NREP: variants seen among roughly 807,000 people sequenced by gnomAD.
NREP encodes neuronal regeneration-related protein.
Under a neutral mutation model 8.6 loss-of-function variants are expected in NREP, and 5 were observed. That is an observed-to-expected ratio of 0.58 (90% CI 0.30 to 1.22). The LOEUF is 1.22. Ranked by LOEUF, NREP falls within the 50% of genes most tolerant of loss-of-function variation. The pLI is 0.07. For synonymous variants in NREP, 27 were observed against 28.0 expected (o/e 0.96, Z 0.11); for missense variants, 86 against 82.5 (o/e 1.04, Z -0.17).
chr5:111,948,018 T>C (rs765698972), intron 2 of NREP, among the ~76,000 whole-genome samples: 1 of 152,054 alleles, frequency 6.6e-6, no homozygotes, highest in Non-Finnish European at 1.5e-5. Flanking sequence ...CACCTCAGTT[T>C]CCAAGAACCA....
At chr5:111,943,132 T>C (rs1206475228) in intron 2 of NREP, among the ~76,000 whole-genome samples, 1 of 152,032 alleles carries the variant, frequency 6.6e-6, no homozygotes, top group East Asian at 1.9e-4. Flanking sequence ...CTGGCTCCTC[T>C]TTTGCATCTC....
chr5:111,898,072 C>A (rs1302413215), intron 2 of NREP, among the ~76,000 whole-genome samples: 1 of 152,090 alleles, frequency 6.6e-6, no homozygotes, highest in Non-Finnish European at 1.5e-5. Flanking sequence ...GTACCTGGAT[C>A]ATTTAGAGCG....
At chr5:111,938,681 G>T (rs1755750104) in intron 2 of NREP, among the ~76,000 whole-genome samples, 1 of 151,930 alleles carries the variant, frequency 6.6e-6, no homozygotes, top group African/African-American at 2.4e-5. Context: ...AACCTCAAAG[G>T]CCTATTGTAA....
intron 2 of NREP, among the ~76,000 whole-genome samples, chr5:111,903,075 C>CTT (rs1754686225): frequency 7.1e-6 from 1 of 141,378 alleles, no homozygotes; most frequent in African/African-American, 2.7e-5. Flanking sequence ...ATTGTCTTGT[C>CTT]TTTTCTCTTT....
intron 2 of NREP, among the ~76,000 whole-genome samples, chr5:111,843,621 T>C (rs773747709): frequency 2.6e-5 from 4 of 152,158 alleles, no homozygotes; most frequent in Non-Finnish European, 5.9e-5. Context: ...AGCCTTATTA[T>C]TAGTGATCAT....
At chr5:111,884,867 C>T (rs1462839158) in intron 2 of NREP, among the ~76,000 whole-genome samples, 2 of 152,220 alleles carry the variant, frequency 1.3e-5, no homozygotes, top group South Asian at 2.1e-4. Flanking sequence ...CAGCCAATAT[C>T]ATACTGAATG....
chr5:111,828,491 C>G (rs1437562453), intron 2 of NREP, among the ~76,000 whole-genome samples: 5 of 151,974 alleles, frequency 3.3e-5, no homozygotes, highest in Non-Finnish European at 7.4e-5. Context: ...GGAAAAACCA[C>G]AAACAAATAT....
At chr5:111,879,829 G>C (rs1235168239) in intron 2 of NREP, among the ~76,000 whole-genome samples, 1 of 152,054 alleles carries the variant, frequency 6.6e-6, no homozygotes, top group Non-Finnish European at 1.5e-5. Flanking sequence ...GAGAAAGAAA[G>C]AGAGAGAGAG....
At chr5:111,875,893 A>G (rs1348563196) in intron 2 of NREP, among the ~76,000 whole-genome samples, 1 of 152,166 alleles carries the variant, frequency 6.6e-6, no homozygotes, top group Non-Finnish European at 1.5e-5. Context: ...TCTCCTACAG[A>G]GAGGGGTCCT....
intron 2 of NREP, among the ~76,000 whole-genome samples, chr5:111,838,665 C>A (rs1752953172): frequency 6.6e-6 from 1 of 151,874 alleles, no homozygotes; most frequent in African/African-American, 2.4e-5. Context: ...ACTTGCCAGT[C>A]CCCACAATTT....
intron 2 of NREP, among the ~76,000 whole-genome samples, chr5:111,781,477 G>T (rs1751491922): frequency 6.6e-6 from 1 of 152,130 alleles, no homozygotes; most frequent in African/African-American, 2.4e-5. Context: ...CCCAGTCTTG[G>T]AGTTTTGCAG....
chr5:111,732,810 G>A (rs1748719379), intron 3 of NREP: 1 of 152,128 alleles, frequency 6.6e-6, no homozygotes, highest in Non-Finnish European at 1.5e-5. Flanking sequence ...AGAGTTCAAT[G>A]GCTGTTAATT....
intron 2 of NREP, among the ~76,000 whole-genome samples, chr5:111,921,063 T>C (rs1270565457): frequency 6.6e-6 from 1 of 152,176 alleles, no homozygotes; most frequent in African/African-American, 2.4e-5. Context: ...CTGCTTTTTG[T>C]CAGAAGACAG....
intron 3 of NREP, chr5:111,734,903 T>G: frequency 2.3e-6 from 1 of 427,802 alleles, no homozygotes; most frequent in South Asian, 6.9e-5. Flanking sequence ...AATATAAATT[T>G]TACAAATTTT....
At chr5:111,770,981 T>C (rs1430498911) in intron 2 of NREP, among the ~76,000 whole-genome samples, 5 of 152,200 alleles carry the variant, frequency 3.3e-5, no homozygotes, top group African/African-American at 9.7e-5. Flanking sequence ...AACTTTTCTC[T>C]CTTCCAGGAA....
At chr5:111,831,313 A>C (rs1003157134) in intron 2 of NREP, among the ~76,000 whole-genome samples, 1 of 152,058 alleles carries the variant, frequency 6.6e-6, no homozygotes, top group Non-Finnish European at 1.5e-5. Context: ...ACATCCTCAC[A>C]GTTTCTGGTG....
intron 2 of NREP, among the ~76,000 whole-genome samples, chr5:111,839,851 A>G (rs1752982043): frequency 6.6e-6 from 1 of 152,004 alleles, no homozygotes; most frequent in Admixed American, 6.6e-5. Flanking sequence ...TATTTATCTT[A>G]TTTGAACCTC....
intron 2 of NREP, among the ~76,000 whole-genome samples, chr5:111,969,174 G>T (rs1226776055): frequency 2.0e-5 from 3 of 152,216 alleles, no homozygotes; most frequent in African/African-American, 7.2e-5. Context: ...AACACAGAAT[G>T]TTGCCTGCTC....
chr5:111,973,633 G>A (rs1027797553), intron 2 of NREP, among the ~76,000 whole-genome samples: 1 of 152,104 alleles, frequency 6.6e-6, no homozygotes, highest in Non-Finnish European at 1.5e-5. Flanking sequence ...CCTCTACCTT[G>A]CTGTTTTTGC....
Sources: gnomAD v4.1 joint callset for allele counts (sites outside exome capture counted in the v4.1 genomes callset) on GRCh38, gnomAD v4.1.1 for gene constraint, MANE v1.5 for transcripts, NCBI Gene and HGNC (gene_info 2026-07-23, HGNC 2026-07-21) for gene names.